ATP10A: variants seen among roughly 807,000 people sequenced by gnomAD.
ATP10A encodes the protein phospholipid-transporting ATPase VA.
A neutral mutation model predicts 147.8 loss-of-function variants in ATP10A; 111 were observed. The ratio of observed to expected loss-of-function variants is 0.75; its 90% confidence interval spans 0.64 to 0.88. The LOEUF is 0.88. ATP10A is among the 40% of genes least tolerant of loss of function. The probability of loss-of-function intolerance (pLI) is 0.00; values close to 1 mark genes in which losing one functional copy is unlikely to be tolerated. For synonymous variants in ATP10A, 875 were observed against 841.6 expected (o/e 1.04, Z -0.69); for missense variants, 1,927 against 1,959.0 (o/e 0.98, Z 0.31).
Position 25,679,329 on chromosome 15 carries a change from A to G in ATP10A, c.*12T>C, listed in dbSNP as rs770460921. 2.1e-6 allele frequency: 3 copies of G among 1,415,872 alleles called. No individual in the cohort carries two copies. Among genetic ancestry groups the G allele is most frequent in the Non-Finnish European group, 2.8e-6 (3 of 1,077,010 alleles). 87.7% of individuals were successfully genotyped at this position (1,415,872 alleles called of 1,614,324 possible). ...TTATTTATATATATTAAAAAAGGCC[A>G]TTTCAAGGTTTTCACTGTGACCGCC... On this transcript the variant is annotated 3_prime_UTR_variant, in exon 21 of 21. Transcript: ENST00000555815.
At chr15:25,757,740 A>G (rs951583278) in intron 2 of ATP10A, among the ~76,000 whole-genome samples, 16 of 152,240 alleles carry the variant, frequency 1.1e-4, no homozygotes, top group Admixed American at 2.6e-4. Flanking sequence ...TTCTTTTCAA[A>G]GAATTAATGT....
At chr15:25,761,230 G>A (rs1485503902) in intron 2 of ATP10A, among the ~76,000 whole-genome samples, 1 of 152,150 alleles carries the variant, frequency 6.6e-6, no homozygotes, top group East Asian at 1.9e-4. Context: ...AAAATAATCT[G>A]CAGTGACTGA....
chr15:25,775,488 C>G (rs1889559066), intron 2 of ATP10A, among the ~76,000 whole-genome samples: 1 of 152,218 alleles, frequency 6.6e-6, no homozygotes, highest in Non-Finnish European at 1.5e-5. Context: ...GCTGACCTGA[C>G]TGTGAAGGTA....
At position 25,701,940 on chromosome 15, in the gene ATP10A, G is replaced by A. The variant is rs776431695; in HGVS notation, c.2736C>T (p.Val912=). The change falls in exon 13 of 21, where the codon GTC becomes GTT. Residue 912 remains valine (V), a synonymous_variant. Coordinates refer to ENST00000555815, the MANE Select transcript of ATP10A (RefSeq NM_024490.4). ...CCTGGGAGGTGGCATTCAGGGTGAT[G>A]ACCTCCTCGTCGTGGTCCAGCAGTT... ...ACKLLDHDEE[V]ITLNATSQEA... 1.9e-6 allele frequency: 3 copies of A among 1,610,670 alleles called. No individual in the cohort carries two copies. The highest frequency in any genetic ancestry group is 1.7e-5 in the Admixed American group (1 of 59,622).
chr15:25,680,421 A>G, intron 19 of ATP10A, 113 bp from the exon 20 acceptor site: 1 of 1,156,970 alleles, frequency 8.6e-7, no homozygotes, highest in Non-Finnish European at 1.2e-6. Context: ...TGAGGCCTTC[A>G]GACACACTGC....
At chr15:25,861,552 G>A (rs1034397043) in intron 1 of ATP10A, among the ~76,000 whole-genome samples, 4 of 152,126 alleles carry the variant, frequency 2.6e-5, no homozygotes, top group Non-Finnish European at 2.9e-5. Context: ...TAAGGCATTC[G>A]TGAATGCCTA....
intron 12 of ATP10A, among the ~76,000 whole-genome samples, chr15:25,705,419 G>C (rs1161905850): frequency 3.7e-5 from 5 of 134,576 alleles, no homozygotes; most frequent in Non-Finnish European, 6.1e-5. Flanking sequence ...CCAGGTGACA[G>C]AGTGAGACTC....
chr15:25,792,323 G>A (rs911934687), intron 1 of ATP10A, among the ~76,000 whole-genome samples: 4 of 152,208 alleles, frequency 2.6e-5, no homozygotes, highest in African/African-American at 9.6e-5. Flanking sequence ...GGAGCCCAGA[G>A]ACAGGGCCCT....
rs56751876 is a variant in ATP10A, at chr15:25,773,818, CCACACACACACACACA to C, written c.654+7185_654+7200del. On this transcript the variant is annotated intron_variant, in intron 2 of 20. Transcript: ENST00000555815. Reference sequence around the variant, plus strand: ...CACACAAACATACACACCTAAACATCCACACACACACACACACACACACACACACACACATATTCAC... The same window carrying C: ...CACACAAACATACACACCTAAACATCCACACACACACACACACATATTCAC... Among the ~76,000 whole-genome samples, 6 of 137,808 alleles carry C rather than the reference CCACACACACACACACA, an allele frequency of 4.4e-5. No individual in the cohort carries two copies. In the South Asian group the frequency reaches 9.2e-4, roughly 21 times the overall value. 90.4% of individuals were successfully genotyped at this position (137,808 alleles called of 152,430 possible).
At chr15:25,848,873 A>G (rs1365354752) in intron 1 of ATP10A, 1 of 153,600 alleles carries the variant, frequency 6.5e-6, no homozygotes, top group Non-Finnish European at 1.5e-5. Context: ...GATGTTTTAC[A>G]ATTTAAGTTC....
rs549659137 is a variant in ATP10A, at chr15:25,858,897, A to G, written c.449+3751T>C. Among the ~76,000 whole-genome samples the G allele has an allele frequency of 2.0e-5, 3 of 152,248 alleles. No individual in the cohort carries two copies. In the South Asian group the frequency reaches 6.2e-4, roughly 32 times the overall value. On this transcript the variant is annotated intron_variant, in intron 1 of 20. Transcript: ENST00000555815. ...GTACATAGAAGCAAAAGGGAGAAAAAAAAAAGATAACAATAGCCTAGGCAG... is the reference window on the plus strand; with the variant it reads ...GTACATAGAAGCAAAAGGGAGAAAAGAAAAAGATAACAATAGCCTAGGCAG...
intron 15 of ATP10A, among the ~76,000 whole-genome samples, chr15:25,691,287 G>T (rs1900020074): frequency 6.6e-6 from 1 of 152,192 alleles, no homozygotes; most frequent in African/African-American, 2.4e-5. Context: ...ACTTCCATGT[G>T]AGTGAGGATG....
intron 1 of ATP10A, among the ~76,000 whole-genome samples, chr15:25,800,755 C>T (rs565195972): frequency 1.1e-4 from 17 of 152,194 alleles, no homozygotes; most frequent in Admixed American, 3.3e-4. Context: ...CCTGAGGCTT[C>T]CCACCTACCC....
At chr15:25,858,904 A>AT (rs1335176463) in intron 1 of ATP10A, among the ~76,000 whole-genome samples, 5 of 152,096 alleles carry the variant, frequency 3.3e-5, no homozygotes, top group Non-Finnish European at 7.4e-5. Context: ...AAAAAAAAAG[A>AT]TAACAATAGC....
In ATP10A at chr15:25,762,890, A is replaced by C. The variant is rs182204170; in HGVS notation, c.654+18129T>G. Among the ~76,000 whole-genome samples the C allele has an allele frequency of 2.0e-3, 308 of 152,302 alleles. 2 individuals are homozygous for C. Among genetic ancestry groups the C allele is most frequent in the African/African-American group, 7.1e-3 (296 of 41,562 alleles). On this transcript the variant is annotated intron_variant, in intron 2 of 20. Transcript: ENST00000555815. Reference sequence around the variant, plus strand: ...CCTGGCCAAATTATACATTTTAAATATGTGTGGTTTATTTTATGTCAGTCA... The same window carrying C: ...CCTGGCCAAATTATACATTTTAAATCTGTGTGGTTTATTTTATGTCAGTCA...
rs775595873 is a variant in ATP10A at position 25,716,814 on chromosome 15, C to T, written c.1692G>A (p.Glu564=). The T allele has an allele frequency of 2.5e-6, 4 of 1,611,114 alleles. No individual in the cohort carries two copies. The highest frequency in any genetic ancestry group is 3.4e-6 in the Non-Finnish European group (4 of 1,178,832). Residue 564 remains glutamate, a synonymous_variant, in exon 9 of 21, where the codon GAG becomes GAA. Coordinates refer to ENST00000555815, the MANE Select transcript of ATP10A (RefSeq NM_024490.4). ...QEHLLAHLSP[E]LSDVFDFFIA... is the part of the protein sequence containing the mutation. ...TGAAGAAATCAAAGACGTCAGACAG[C>T]TCAGGCGAGAGGTGGGCCAGCAGGT...
chr15:25,820,475 A>C (rs1042514707), intron 1 of ATP10A, among the ~76,000 whole-genome samples: 6 of 152,188 alleles, frequency 3.9e-5, no homozygotes, highest in African/African-American at 1.4e-4. Flanking sequence ...AATCCCAACT[A>C]AAACTCCAAA....
At chr15:25,712,177 G>T (rs1029558711) in intron 10 of ATP10A, among the ~76,000 whole-genome samples, 4 of 152,186 alleles carry the variant, frequency 2.6e-5, no homozygotes, top group Admixed American at 1.3e-4. Context: ...TAATTTTTTG[G>T]GGGGGACGGG....
In ATP10A at chr15:25,714,213, G is replaced by A. The variant is rs756690890; in HGVS notation, c.1805C>T (p.Pro602Leu). Residue 602 changes from proline to leucine, a missense_variant, in exon 10 of 21, where the codon CCG becomes CTG. Pro to Leu is a moderately conservative substitution (Grantham distance 98). Coordinates refer to ENST00000555815, the MANE Select transcript of ATP10A (RefSeq NM_024490.4). The stretch of plus-strand genomic sequence containing the variant: ...CAGGAAGTCTTCTATCGTCTTCACC[G>A]GGGACTTCAGCTCAAACCTCACCCT... ...KVRVRFELKS[P>L]VKTIEDFLRR... is the part of the protein sequence containing the mutation. 6.2e-6 allele frequency: 10 copies of A among 1,600,704 alleles called. No individual in the cohort carries two copies. Among genetic ancestry groups the A allele is most frequent in the South Asian group, 3.3e-5 (3 of 91,078 alleles).
Sources: allele counts gnomAD v4.1 joint callset (sites outside exome capture counted in the v4.1 genomes callset), GRCh38; gene constraint gnomAD v4.1.1; transcripts MANE v1.5; gene names NCBI Gene and HGNC (gene_info 2026-07-23, HGNC 2026-07-21).